The following COL13A1 variants were observed in gnomAD, a reference collection of about 807,000 sequenced individuals.
The protein encoded by COL13A1 is collagen type XIII alpha 1 chain.
A neutral mutation model predicts 130.9 loss-of-function variants in COL13A1; 89 were observed. The ratio of observed to expected loss-of-function variants is 0.68; its 90% CI spans 0.57 to 0.81. COL13A1 has a LOEUF of 0.81. Ranked by LOEUF, COL13A1 falls within the 30% of genes least tolerant of loss-of-function variation. The pLI, the probability that COL13A1 is intolerant of heterozygous loss-of-function variation, is 0.00. For synonymous variants in COL13A1, 402 were observed against 341.6 expected (o/e 1.18, Z -1.95); for missense variants, 879 against 934.6 (o/e 0.94, Z 0.78).
chr10:69,826,722 G>A (rs900047991), intron 2 of COL13A1, among the ~76,000 whole-genome samples: 1 of 152,156 alleles, frequency 6.6e-6, no homozygotes, highest in African/African-American at 2.4e-5. Context: ...ACCATAACAG[G>A]AGACCCCCCA....
chr10:69,925,688 G>T, intron 25 of COL13A1, 116 bp from the exon 26 acceptor site: 1 of 717,712 alleles, frequency 1.4e-6, no homozygotes, highest in South Asian at 1.7e-5. Flanking sequence ...TGGCTGTTCT[G>T]GGTCCACCCA....
At chr10:69,894,455 A>G in intron 10 of COL13A1, 97 bp from the exon 11 acceptor site, 2 of 1,458,460 alleles carry the variant, frequency 1.4e-6, no homozygotes, top group Non-Finnish European at 9.4e-7. Flanking sequence ...GGTAGAGCCC[A>G]GCCTTCGGGA....
chr10:69,802,820 C>A, intron 1 of COL13A1, 103 bp downstream of exon 1: 3 of 1,465,254 alleles, frequency 2.0e-6, no homozygotes, highest in South Asian at 1.3e-5. Context: ...TCTCTGCGAG[C>A]CCCAGGTTCG....
At chr10:69,917,444 T>G (rs2064065687) in intron 18 of COL13A1, 111 bp downstream of exon 18, 1 of 933,734 alleles carries the variant, frequency 1.1e-6, no homozygotes, top group African/African-American at 1.6e-5. Flanking sequence ...TTGGGCCTCC[T>G]TCTGCCTGCC....
intron 6 of COL13A1, among the ~76,000 whole-genome samples, chr10:69,878,709 T>C (rs2059856208): frequency 6.6e-6 from 1 of 152,236 alleles, no homozygotes; most frequent in South Asian, 2.1e-4. Context: ...CTCGAATTCC[T>C]GACCTCAGGT....
At chr10:69,873,024 T>TGGGTATGTGTACC (rs961104169) in intron 4 of COL13A1, among the ~76,000 whole-genome samples, 1 of 152,146 alleles carries the variant, frequency 6.6e-6, no homozygotes, top group African/African-American at 2.4e-5. Flanking sequence ...AGTTGAGTAG[T>TGGGTATGTGTACC]GGGTATGTGT....
chr10:69,943,719 T>C (rs1406160384), intron 35 of COL13A1, among the ~76,000 whole-genome samples: 1 of 151,964 alleles, frequency 6.6e-6, no homozygotes, highest in Admixed American at 6.6e-5. Flanking sequence ...TCCGCATCCA[T>C]CTCTGTGGCA....
At chr10:69,880,345 C>A in intron 6 of COL13A1, 158 bp from the exon 7 acceptor site, 1 of 694,644 alleles carries the variant, frequency 1.4e-6, no homozygotes, top group South Asian at 1.6e-5. Context: ...CCCCTCGTGG[C>A]CCTCCACGTC....
intron 38 of COL13A1, among the ~76,000 whole-genome samples, chr10:69,950,272 CTG>C (rs1459611814): frequency 7.2e-5 from 11 of 152,140 alleles, no homozygotes; most frequent in Non-Finnish European, 1.5e-5. Flanking sequence ...AGGGTTCCCT[CTG>C]TGCAATGGAT....
chr10:69,922,696 T>C lies in COL13A1; in HGVS notation c.1144-12T>C. 3 of 1,596,850 alleles carry C rather than the reference T, an allele frequency of 1.9e-6. No homozygotes were observed. Among genetic ancestry groups the C allele is most frequent in the Non-Finnish European group, 2.6e-6 (3 of 1,171,998 alleles). On this transcript the variant is annotated splice_polypyrimidine_tract_variant and intron_variant, in intron 22 of 40. Transcript: ENST00000645393. ...CCACACCAGGGATGCTAACTCCACC[T>C]TCCACCCCCAGGGAGAGAAAGGCGA... is the stretch of plus-strand genomic sequence containing the variant.
chr10:69,862,581 T>C (rs1156584159), intron 2 of COL13A1, among the ~76,000 whole-genome samples: 1 of 152,176 alleles, frequency 6.6e-6, no homozygotes, highest in South Asian at 2.1e-4. Flanking sequence ...CCAGTGTCCC[T>C]TCACAAATTG....
At chr10:69,844,338 T>C (rs564572220) in intron 2 of COL13A1, among the ~76,000 whole-genome samples, 1 of 152,326 alleles carries the variant, frequency 6.6e-6, no homozygotes, top group Non-Finnish European at 1.5e-5. Context: ...ATGAAGCTCA[T>C]AACTGTGATT....
chr10:69,892,761 G>A (rs2061308699), intron 10 of COL13A1, among the ~76,000 whole-genome samples: 1 of 152,230 alleles, frequency 6.6e-6, no homozygotes, highest in Non-Finnish European at 1.5e-5. Flanking sequence ...ACATAATTAA[G>A]AGAAACTTGA....
chr10:69,932,839 G>A (rs2066301075), intron 31 of COL13A1, among the ~76,000 whole-genome samples: 2 of 152,054 alleles, frequency 1.3e-5, no homozygotes, highest in South Asian at 2.1e-4. Context: ...CTGGAGATAC[G>A]AAAATAAACA....
intron 28 of COL13A1, 25 bp downstream of exon 28, chr10:69,929,024 G>C: frequency 6.2e-7 from 1 of 1,601,908 alleles, no homozygotes; most frequent in South Asian, 1.1e-5. Flanking sequence ...GACAAAGGGG[G>C]TGAAGACTTT....
intron 35 of COL13A1, 150 bp from the exon 36 acceptor site, chr10:69,943,975 G>T (rs921401404): frequency 1.6e-6 from 1 of 638,916 alleles, no homozygotes; most frequent in Non-Finnish European, 2.8e-6. Context: ...GAGGATCACG[G>T]CCCAGTCGAA....
intron 2 of COL13A1, among the ~76,000 whole-genome samples, chr10:69,851,793 T>G (rs1237705558): frequency 6.6e-6 from 1 of 152,176 alleles, no homozygotes; most frequent in Non-Finnish European, 1.5e-5. Flanking sequence ...TAGGTGAGAT[T>G]GCAGGCTTGC....
intron 25 of COL13A1, 69 bp downstream of exon 25, chr10:69,925,076 G>T: frequency 7.1e-7 from 1 of 1,412,984 alleles, no homozygotes; most frequent in East Asian, 2.7e-5. Context: ...TCTGAGACAG[G>T]TCTCAATTAA....
At chr10:69,862,705 C>T (rs913670837) in intron 2 of COL13A1, among the ~76,000 whole-genome samples, 12 of 152,270 alleles carry the variant, frequency 7.9e-5, no homozygotes, top group Admixed American at 2.0e-4. Flanking sequence ...GCCCATGGTC[C>T]CGGGAGGCAG....
Sources: gnomAD v4.1 joint callset for allele counts (sites outside exome capture counted in the v4.1 genomes callset) on GRCh38, gnomAD v4.1.1 for gene constraint, MANE v1.5 for transcripts, NCBI Gene and HGNC (gene_info 2026-07-23, HGNC 2026-07-21) for gene names.